FARS2: variants seen among roughly 807,000 people sequenced by gnomAD.
The protein encoded by FARS2 is phenylalanine--tRNA ligase, mitochondrial.
In FARS2, 40 loss-of-function variants were observed where a neutral mutation model predicts 46.4. That is an observed-to-expected ratio of 0.86 (90% CI 0.67 to 1.12). The LOEUF is 1.12. Among genes scored for constraint, FARS2 ranks in the 50% most tolerant of loss-of-function variants. The pLI, the probability that FARS2 is intolerant of heterozygous loss-of-function variation, is 0.00. For synonymous variants in FARS2, 234 were observed against 214.9 expected (o/e 1.09, Z -0.78); for missense variants, 513 against 567.9 (o/e 0.90, Z 0.98).
chr6:5,534,231 A>C (rs1187973042), intron 4 of FARS2, among the ~76,000 whole-genome samples: 1 of 143,918 alleles, frequency 6.9e-6, no homozygotes, highest in Non-Finnish European at 1.6e-5. Flanking sequence ...TTTCTTCAAA[A>C]TTTTAAATAT....
intron 5 of FARS2, among the ~76,000 whole-genome samples, chr6:5,566,221 C>T (rs1772315058): frequency 6.6e-6 from 1 of 152,140 alleles, no homozygotes; most frequent in African/African-American, 2.4e-5. Flanking sequence ...ATGGGAGTCT[C>T]ATCTCTCAGT....
intron 1 of FARS2, among the ~76,000 whole-genome samples, chr6:5,340,870 G>A (rs999174562): frequency 4.6e-5 from 7 of 151,828 alleles, no homozygotes; most frequent in Non-Finnish European, 8.8e-5. Flanking sequence ...TGAGGAGGCC[G>A]GGCGCGGTGG....
intron 4 of FARS2, among the ~76,000 whole-genome samples, chr6:5,446,485 C>A (rs1055740364): frequency 6.6e-6 from 1 of 152,142 alleles, no homozygotes; most frequent in Non-Finnish European, 1.5e-5. Flanking sequence ...TGGTAGGAAC[C>A]ATACCCACAT....
chr6:5,760,021 C>T (rs1419513853), intron 6 of FARS2, among the ~76,000 whole-genome samples: 1 of 152,146 alleles, frequency 6.6e-6, no homozygotes, highest in Non-Finnish European at 1.5e-5. Context: ...TGCCCCTCTT[C>T]CCTTCAATCT....
chr6:5,584,158 A>G (rs934723613), intron 5 of FARS2, among the ~76,000 whole-genome samples: 2 of 94,674 alleles, frequency 2.1e-5, no homozygotes, highest in Non-Finnish European at 3.8e-5. Context: ...GAGTGTTCGG[A>G]TGAGGACCCT....
At chr6:5,671,912 C>T (rs768182663) in intron 6 of FARS2, among the ~76,000 whole-genome samples, 10 of 152,134 alleles carry the variant, frequency 6.6e-5, no homozygotes, top group Non-Finnish European at 1.2e-4. Context: ...AAGACAGGGA[C>T]CTTGCCAGGA....
chr6:5,593,201 A>G (rs1774013730), intron 5 of FARS2, among the ~76,000 whole-genome samples: 1 of 152,162 alleles, frequency 6.6e-6, no homozygotes, highest in Non-Finnish European at 1.5e-5. Context: ...TGAGTGAGTA[A>G]CAGGCGTATC....
At chr6:5,278,165 C>G in intron 1 of FARS2, among the ~76,000 whole-genome samples, 1 of 152,112 alleles carries the variant, frequency 6.6e-6, no homozygotes, top group East Asian at 1.9e-4. Context: ...CTGGCTGTAC[C>G]CTAGCTTGTG....
chr6:5,672,373 C>T, intron 6 of FARS2, among the ~76,000 whole-genome samples: 1 of 152,222 alleles, frequency 6.6e-6, no homozygotes, highest in Non-Finnish European at 1.5e-5. Context: ...GAACCGTCTG[C>T]CTCTCAAGCC....
chr6:5,461,968 G>A (rs1387714526), intron 4 of FARS2, among the ~76,000 whole-genome samples: 1 of 152,162 alleles, frequency 6.6e-6, no homozygotes. Flanking sequence ...TGTATGGTAA[G>A]CTTATGATTG....
chr6:5,562,719 C>A (rs918959524), intron 5 of FARS2, among the ~76,000 whole-genome samples: 19 of 151,694 alleles, frequency 1.3e-4, no homozygotes, highest in Non-Finnish European at 2.7e-4. Flanking sequence ...CACACACACA[C>A]ACACACACAG....
At chr6:5,316,271 A>G (rs1291372447) in intron 1 of FARS2, among the ~76,000 whole-genome samples, 1 of 152,256 alleles carries the variant, frequency 6.6e-6, no homozygotes, top group African/African-American at 2.4e-5. Context: ...TAGTACTTTA[A>G]GACAGCATGT....
At chr6:5,624,587 G>A (rs1157086515) in intron 6 of FARS2, among the ~76,000 whole-genome samples, 6 of 152,172 alleles carry the variant, frequency 3.9e-5, no homozygotes, top group South Asian at 2.1e-4. Flanking sequence ...TTCACTTAGC[G>A]GTTTTCAGCG....
At chr6:5,656,093 G>A (rs192283153) in intron 6 of FARS2, among the ~76,000 whole-genome samples, 5 of 152,256 alleles carry the variant, frequency 3.3e-5, no homozygotes, top group South Asian at 2.1e-4. Flanking sequence ...AACCAGTATC[G>A]CCATTTTTCT....
intron 3 of FARS2, among the ~76,000 whole-genome samples, chr6:5,418,357 A>G (rs1762357456): frequency 6.6e-6 from 1 of 152,236 alleles, no homozygotes; most frequent in African/African-American, 2.4e-5. Flanking sequence ...TTACTTAGAA[A>G]CACTTTGATC....
chr6:5,739,490 A>G (rs1419251221), intron 6 of FARS2, among the ~76,000 whole-genome samples: 2 of 152,306 alleles, frequency 1.3e-5, no homozygotes, highest in Non-Finnish European at 2.9e-5. Context: ...ATTGTTTTTT[A>G]TGTTTAAAAT....
intron 1 of FARS2, among the ~76,000 whole-genome samples, chr6:5,327,252 G>A (rs1770457771): frequency 6.6e-6 from 1 of 152,132 alleles, no homozygotes; most frequent in Non-Finnish European, 1.5e-5. Flanking sequence ...CTTTAATTCT[G>A]CTATTCAATA....
chr6:5,614,920 G>A (rs1324040552), intron 6 of FARS2, among the ~76,000 whole-genome samples: 1 of 152,148 alleles, frequency 6.6e-6, no homozygotes, highest in Non-Finnish European at 1.5e-5. Context: ...TAAAATCTTG[G>A]CTTGGTCTTT....
chr6:5,484,440 A>G (rs1042645245), intron 4 of FARS2, among the ~76,000 whole-genome samples: 14 of 152,248 alleles, frequency 9.2e-5, no homozygotes, highest in African/African-American at 2.9e-4. Context: ...TGTGCTGTCC[A>G]GTATGGTAGC....
Sources: gnomAD v4.1 joint callset for allele counts (sites outside exome capture counted in the v4.1 genomes callset) on GRCh38, gnomAD v4.1.1 for gene constraint, MANE v1.5 for transcripts, NCBI Gene and HGNC (gene_info 2026-07-23, HGNC 2026-07-21) for gene names.